NCK1: variants seen among roughly 807,000 people sequenced by gnomAD.
NCK1 encodes the protein SH2/SH3 adapter protein NCK1.
NCK1 carries 19 observed loss-of-function variants against 36.6 expected under a neutral mutation model. The ratio of observed to expected loss-of-function variants is 0.52; its 90% CI spans 0.36 to 0.76. NCK1 has a LOEUF of 0.76. Ranked by LOEUF, NCK1 falls within the 30% of genes least tolerant of loss-of-function variation. The probability of loss-of-function intolerance (pLI) is 0.00; values close to 1 mark genes in which losing one functional copy is unlikely to be tolerated. For synonymous variants in NCK1, 165 were observed against 156.0 expected (o/e 1.06, Z -0.43); for missense variants, 358 against 445.6 (o/e 0.80, Z 1.77).
At chr3:136,896,316 G>A (rs1245916475) in intron 1 of NCK1, among the ~76,000 whole-genome samples, 6 of 151,996 alleles carry the variant, frequency 3.9e-5, no homozygotes, top group African/African-American at 1.5e-4. Context: ...TCAGATTTTG[G>A]TGTCTGTCAT....
At position 136,928,094 on chromosome 3, in the gene NCK1, T is replaced by C; in HGVS notation, c.93T>C (p.Leu31=). ...LDIKKNERLW[L]LDDSKSWWRV... ...TCAAGAAGAATGAGAGATTATGGCT[T>C]CTGGATGATTCTAAGTCCTGGTGGC... Residue 31 remains leucine, a synonymous_variant, in exon 2 of 4, where the codon CTT becomes CTC. Transcript: ENST00000481752. 1 of 1,614,178 alleles carries C rather than the reference T, an allele frequency of 6.2e-7. No homozygotes were observed. Among genetic ancestry groups the C allele is most frequent in the Non-Finnish European group, 8.5e-7 (1 of 1,180,034 alleles).
intron 1 of NCK1, among the ~76,000 whole-genome samples, chr3:136,871,597 T>G (rs1000717425): frequency 2.0e-5 from 3 of 152,178 alleles, no homozygotes; most frequent in Non-Finnish European, 4.4e-5. Context: ...CTCTCAAAGG[T>G]AATCACTATT....
chr3:136,891,708 GTCA>G (rs1334212679), intron 1 of NCK1, among the ~76,000 whole-genome samples: 20 of 152,278 alleles, frequency 1.3e-4, no homozygotes, highest in Middle Eastern at 3.4e-3. Context: ...GTTATTTTCT[GTCA>G]TCATCATTTT....
Position 136,949,293 on chromosome 3 carries a change from G to A in NCK1, c.*840G>A, listed in dbSNP as rs1940912763. On this transcript the variant is annotated 3_prime_UTR_variant, in exon 4 of 4. Coordinates refer to ENST00000481752, the MANE Select transcript of NCK1 (RefSeq NM_001291999.2). ...AGGACATGTTATATTTATGCCAGTG[G>A]GAAATAAGTTATGGCCAAGTTTTGC... 6.6e-6 allele frequency: 1 copy of A among 151,772 alleles called. No individual in the cohort carries two copies. Among genetic ancestry groups the A allele is most frequent in the South Asian group, 2.1e-4 (1 of 4,824 alleles). 9.4% of individuals were successfully genotyped at this position (151,772 alleles called of 1,614,324 possible).
intron 1 of NCK1, among the ~76,000 whole-genome samples, chr3:136,869,383 C>G (rs1450151768): frequency 6.6e-6 from 1 of 152,126 alleles, no homozygotes; most frequent in African/African-American, 2.4e-5. Context: ...CCTGTCTCTA[C>G]TAAATACAAA....
chr3:136,873,552 G>A (rs923882752), intron 1 of NCK1, among the ~76,000 whole-genome samples: 1 of 152,154 alleles, frequency 6.6e-6, no homozygotes, highest in Admixed American at 6.5e-5. Flanking sequence ...CTGTTGGGAA[G>A]GCATGATTGG....
chr3:136,873,496 T>C (rs918001371), intron 1 of NCK1, among the ~76,000 whole-genome samples: 1 of 152,196 alleles, frequency 6.6e-6, no homozygotes, highest in African/African-American at 2.4e-5. Context: ...GACTTTGGAC[T>C]GTGAACTTCT....
chr3:136,918,226 T>G (rs1267908761), intron 1 of NCK1, among the ~76,000 whole-genome samples: 1 of 152,114 alleles, frequency 6.6e-6, no homozygotes, highest in Non-Finnish European at 1.5e-5. Flanking sequence ...CTAAATAATA[T>G]ATACATATTA....
At chr3:136,869,748 ATC>A (rs1454537554) in intron 1 of NCK1, among the ~76,000 whole-genome samples, 2 of 152,020 alleles carry the variant, frequency 1.3e-5, no homozygotes, top group Non-Finnish European at 2.9e-5. Flanking sequence ...ATCAGGTAAA[ATC>A]TCTCTGTGGA....
intron 1 of NCK1, among the ~76,000 whole-genome samples, chr3:136,866,200 G>A (rs1332283286): frequency 6.6e-6 from 1 of 151,574 alleles, no homozygotes; most frequent in Non-Finnish European, 1.5e-5. Context: ...TTTAATCAGT[G>A]CCAGCACTAT....
At chr3:136,911,098 T>C (rs1939819082) in intron 1 of NCK1, among the ~76,000 whole-genome samples, 1 of 152,236 alleles carries the variant, frequency 6.6e-6, no homozygotes, top group Admixed American at 6.5e-5. Context: ...TTTACTTCTT[T>C]TTTAAGGCTG....
chr3:136,923,870 A>G (rs1223058964), intron 1 of NCK1, among the ~76,000 whole-genome samples: 2 of 152,246 alleles, frequency 1.3e-5, no homozygotes, highest in Non-Finnish European at 2.9e-5. Flanking sequence ...AAATGAAAAC[A>G]AGTGAGCCTA....
At chr3:136,918,479 GT>G (rs2108119191) in intron 1 of NCK1, among the ~76,000 whole-genome samples, 1 of 152,340 alleles carries the variant, frequency 6.6e-6, no homozygotes, top group African/African-American at 2.4e-5. Flanking sequence ...CATAGGTTAT[GT>G]ACAAGTACTA....
At chr3:136,910,995 C>T (rs1048788619) in intron 1 of NCK1, among the ~76,000 whole-genome samples, 1 of 152,126 alleles carries the variant, frequency 6.6e-6, no homozygotes, top group African/African-American at 2.4e-5. Flanking sequence ...TTTTTAGATT[C>T]CACATGTATG....
intron 1 of NCK1, among the ~76,000 whole-genome samples, chr3:136,879,933 T>C (rs970644035): frequency 2.0e-5 from 3 of 147,046 alleles, no homozygotes; most frequent in Admixed American, 7.1e-5. Context: ...GTGGCACGTG[T>C]ATACCTCTAA....
chr3:136,875,919 C>A (rs1241591396), intron 1 of NCK1, among the ~76,000 whole-genome samples: 1 of 151,932 alleles, frequency 6.6e-6, no homozygotes, highest in East Asian at 1.9e-4. Context: ...CTCTCCTCAG[C>A]AAATATAAAA....
At chr3:136,890,928 T>C (rs1190677493) in intron 1 of NCK1, among the ~76,000 whole-genome samples, 1 of 152,206 alleles carries the variant, frequency 6.6e-6, no homozygotes, top group Non-Finnish European at 1.5e-5. Context: ...CATTCTACTT[T>C]CTATCTCTAT....
rs747529728 is a variant in NCK1, at chr3:136,945,707, C to T, written c.351C>T (p.Tyr117=). 6.2e-7 allele frequency: 1 copy of T among 1,614,122 alleles called. No individual in the cohort carries two copies. The highest frequency in any genetic ancestry group is 8.5e-7 in the Non-Finnish European group (1 of 1,180,008). ...TGCCCGCTTATGTGAAATTTAACTA[C>T]ATGGCTGAGAGAGAGGATGAATTAT... ...LNMPAYVKFN[Y]MAEREDELSL... Residue 117 remains tyrosine, a synonymous_variant, in exon 3 of 4, where the codon TAC becomes TAT. Coordinates refer to ENST00000481752, the MANE Select transcript of NCK1 (RefSeq NM_001291999.2).
chr3:136,868,971 C>T (rs760422921), intron 1 of NCK1, among the ~76,000 whole-genome samples: 8 of 152,130 alleles, frequency 5.3e-5, no homozygotes, highest in Admixed American at 2.6e-4. Flanking sequence ...GGCGCGGTGG[C>T]TCACGTCTGT....
Sources: allele counts gnomAD v4.1 joint callset (sites outside exome capture counted in the v4.1 genomes callset), GRCh38; gene constraint gnomAD v4.1.1; transcripts MANE v1.5; gene names NCBI Gene and HGNC (gene_info 2026-07-23, HGNC 2026-07-21).